The following FAF1 variants were observed in gnomAD, a reference collection of about 807,000 sequenced individuals.
FAF1 encodes the protein FAS-associated factor 1.
A neutral mutation model predicts 92.5 loss-of-function variants in FAF1; 25 were observed. That is an observed-to-expected ratio of 0.27 (90% confidence interval 0.20 to 0.38). The LOEUF (loss-of-function observed/expected upper bound fraction) is 0.38, where lower values mean the gene tolerates loss of function less well. Among genes scored for constraint, FAF1 ranks in the 10% least tolerant of loss-of-function variants. The pLI, the probability that FAF1 is intolerant of heterozygous loss-of-function variation, is 1.00. For missense variants in FAF1, 636 were observed against 793.3 expected (o/e 0.80, Z 2.38); for synonymous variants, 234 against 273.2 (o/e 0.86, Z 1.42).
chr1:50,554,364 A>AATATATATATATATATAT (rs149420376), intron 13 of FAF1, among the ~76,000 whole-genome samples: 6 of 117,176 alleles, frequency 5.1e-5, no homozygotes, highest in South Asian at 2.7e-4. Context: ...AAATGAGGTA[A>AATATATATATATATATAT]ATATATATAT....
At chr1:50,915,867 T>C (rs1354537630) in intron 1 of FAF1, among the ~76,000 whole-genome samples, 3 of 152,144 alleles carry the variant, frequency 2.0e-5, no homozygotes, top group Non-Finnish European at 1.5e-5. Flanking sequence ...CCTATTCCCA[T>C]CCAACTCTAG....
At chr1:50,466,153 G>A (rs1036108274) in intron 18 of FAF1, among the ~76,000 whole-genome samples, 11 of 152,274 alleles carry the variant, frequency 7.2e-5, no homozygotes, top group East Asian at 1.9e-4. Context: ...TAGTGGCTTC[G>A]GCTAGGGTTC....
At chr1:50,722,511 T>C (rs1658452376) in intron 6 of FAF1, among the ~76,000 whole-genome samples, 1 of 152,060 alleles carries the variant, frequency 6.6e-6, no homozygotes, top group African/African-American at 2.4e-5. Context: ...TAGCCAGGCG[T>C]GGCGGCGGGC....
At chr1:50,453,148 T>C (rs985492065) in intron 18 of FAF1, among the ~76,000 whole-genome samples, 1 of 152,254 alleles carries the variant, frequency 6.6e-6, no homozygotes, top group African/African-American at 2.4e-5. Context: ...AAAGACAGTT[T>C]GGACATAGAT....
intron 13 of FAF1, among the ~76,000 whole-genome samples, chr1:50,542,425 C>T (rs1444696498): frequency 1.3e-5 from 2 of 152,094 alleles, no homozygotes; most frequent in Non-Finnish European, 2.9e-5. Flanking sequence ...TATAACACTA[C>T]CAGCAGCAAA....
intron 8 of FAF1, among the ~76,000 whole-genome samples, chr1:50,624,970 C>T (rs1173602778): frequency 2.0e-5 from 3 of 146,788 alleles, no homozygotes; most frequent in Non-Finnish European, 4.5e-5. Flanking sequence ...GGCATGATCT[C>T]GGCTCACTGA....
chr1:50,805,298 T>C (rs1345077690), intron 2 of FAF1, among the ~76,000 whole-genome samples: 1 of 152,208 alleles, frequency 6.6e-6, no homozygotes, highest in Non-Finnish European at 1.5e-5. Flanking sequence ...GCTAATTATG[T>C]TCATATTTTT....
chr1:50,660,682 CG>C lies in FAF1; in HGVS notation c.658-5155del, dbSNP rs780290321. ...CTAATTTTTGTATTTTTAGTAGAGA[CG>C]GGGTTTCACCATGTTGGCCAGGCTA... is the stretch of plus-strand genomic sequence containing the variant. On this transcript the variant is annotated intron_variant, in intron 7 of 18. Coordinates refer to ENST00000396153, the MANE Select transcript of FAF1 (RefSeq NM_007051.3). Among the ~76,000 whole-genome samples, 203 of 151,920 alleles carry C rather than the reference CG, an allele frequency of 1.3e-3. 1 individual carries two copies. Among genetic ancestry groups the C allele is most frequent in the Non-Finnish European group, 2.4e-3 (164 of 67,958 alleles).
intron 15 of FAF1, among the ~76,000 whole-genome samples, chr1:50,514,745 T>C (rs1647190327): frequency 6.6e-6 from 1 of 152,144 alleles, no homozygotes; most frequent in Non-Finnish European, 1.5e-5. Context: ...AAAAGCTGGA[T>C]TTAGGACTGG....
chr1:50,709,520 T>C (rs1329207804), intron 6 of FAF1, among the ~76,000 whole-genome samples: 1 of 152,184 alleles, frequency 6.6e-6, no homozygotes, highest in Non-Finnish European at 1.5e-5. Flanking sequence ...TAGCCTGAGG[T>C]TTCATTTTAC....
At chr1:50,477,284 C>G (rs2149000129) in intron 17 of FAF1, among the ~76,000 whole-genome samples, 1 of 151,962 alleles carries the variant, frequency 6.6e-6, no homozygotes, top group Non-Finnish European at 1.5e-5. Context: ...TTATATAGAC[C>G]ATATATATAT....
intron 6 of FAF1, among the ~76,000 whole-genome samples, chr1:50,724,153 T>A (rs1210777129): frequency 6.6e-6 from 1 of 151,526 alleles, no homozygotes. Context: ...GGACGACTGC[T>A]TGAGCCCAGG....
chr1:50,585,141 A>G (rs1380997073), intron 9 of FAF1, among the ~76,000 whole-genome samples: 2 of 152,210 alleles, frequency 1.3e-5, no homozygotes, highest in African/African-American at 4.8e-5. Context: ...TGGAGAAGTC[A>G]GAGACAAAGT....
chr1:50,709,680 C>T (rs1657836782), intron 6 of FAF1, among the ~76,000 whole-genome samples: 1 of 152,178 alleles, frequency 6.6e-6, no homozygotes, highest in Non-Finnish European at 1.5e-5. Flanking sequence ...CCTGAGCATC[C>T]TATCTCCCAA....
Position 50,721,454 on chromosome 1 carries a change from C to A in FAF1, c.552-15563G>T, listed in dbSNP as rs575238169. ...GATCTCGATCTCACGACCTCAGGAT[C>A]CGCCTGCGTCGGCCTCCCAAAGTGC... is the stretch of plus-strand genomic sequence containing the variant. On this transcript the variant is annotated intron_variant, in intron 6 of 18. Coordinates refer to ENST00000396153, the MANE Select transcript of FAF1 (RefSeq NM_007051.3). Among the ~76,000 whole-genome samples, 4 of 152,180 alleles carry A rather than the reference C, an allele frequency of 2.6e-5. No individual in the cohort carries two copies. In the East Asian group the frequency reaches 5.8e-4, roughly 22 times the overall value.
At chr1:50,645,074 G>A (rs1189191841) in intron 8 of FAF1, among the ~76,000 whole-genome samples, 1 of 152,018 alleles carries the variant, frequency 6.6e-6, no homozygotes, top group Non-Finnish European at 1.5e-5. Flanking sequence ...CATCTGTTTA[G>A]TCTTTGCCTG....
chr1:50,693,821 C>T (rs1265880163), intron 7 of FAF1, among the ~76,000 whole-genome samples: 1 of 152,056 alleles, frequency 6.6e-6, no homozygotes, highest in Non-Finnish European at 1.5e-5. Flanking sequence ...CTCTCTCACA[C>T]ACCCACATAA....
intron 2 of FAF1, among the ~76,000 whole-genome samples, chr1:50,852,825 T>C (rs1266410300): frequency 6.6e-6 from 1 of 152,158 alleles, no homozygotes; most frequent in East Asian, 1.9e-4. Flanking sequence ...TCACTGGATA[T>C]GATGCCTAAC....
chr1:50,643,596 A>AT (rs1654446558), intron 8 of FAF1, among the ~76,000 whole-genome samples: 1 of 151,956 alleles, frequency 6.6e-6, no homozygotes, highest in Non-Finnish European at 1.5e-5. Flanking sequence ...TTTAAAAAAA[A>AT]TTTTTCTTTT....
Sources: allele counts gnomAD v4.1 joint callset (sites outside exome capture counted in the v4.1 genomes callset), GRCh38; gene constraint gnomAD v4.1.1; transcripts MANE v1.5; gene names NCBI Gene and HGNC (gene_info 2026-07-23, HGNC 2026-07-21).